DRC7: variants seen among roughly 807,000 people sequenced by gnomAD.
The protein encoded by DRC7 is dynein regulatory complex subunit 7, also known as coiled-coil domain containing 135.
Under a neutral mutation model 104.4 loss-of-function variants are expected in DRC7, and 80 were observed. That is an observed-to-expected ratio of 0.77 (90% CI 0.64 to 0.92). DRC7 has a LOEUF of 0.92. Among genes scored for constraint, DRC7 ranks in the 40% least tolerant of loss-of-function variants. The probability of loss-of-function intolerance (pLI) is 0.00; values close to 1 mark genes in which losing one functional copy is unlikely to be tolerated. For missense variants in DRC7, 1,034 were observed against 1,141.1 expected, an observed-to-expected ratio of 0.91 and a Z score of 1.35; for synonymous variants, 405 against 447.3, an observed-to-expected ratio of 0.91 and a Z score of 1.19.
chr16:57,719,120 T>C (rs1200170502), intron 9 of DRC7, among the ~76,000 whole-genome samples: 8 of 151,712 alleles, frequency 5.3e-5, no homozygotes, highest in African/African-American at 1.9e-4. Flanking sequence ...GAGCCCCACA[T>C]GCTGCCAGGC....
intron 2 of DRC7, among the ~76,000 whole-genome samples, chr16:57,697,094 G>A (rs565364694): frequency 6.6e-6 from 1 of 152,064 alleles, no homozygotes; most frequent in South Asian, 2.1e-4. Context: ...TGTATTTTTA[G>A]TAGAGACGGG....
At chr16:57,729,938 ATGGG>A (rs1219108612) in intron 17 of DRC7, among the ~76,000 whole-genome samples, 2 of 47,228 alleles carry the variant, frequency 4.2e-5, no homozygotes, top group South Asian at 8.3e-4. Context: ...GGGTGGGTGG[ATGGG>A]TGGGTGGGTG....
intron 7 of DRC7, among the ~76,000 whole-genome samples, chr16:57,705,383 C>A (rs1245864717): frequency 7.4e-6 from 1 of 135,158 alleles, no homozygotes; most frequent in South Asian, 2.6e-4. Context: ...CCTCCCATCT[C>A]CCCTCCCATC....
At chr16:57,727,135 T>C (rs754666589) in intron 15 of DRC7, 164 bp from the exon 16 acceptor site, 165 of 663,324 alleles carry the variant, frequency 2.5e-4, no homozygotes, top group Middle Eastern at 1.2e-3. Context: ...TAATTTCTTG[T>C]TTTTGTTTTT....
At chr16:57,713,303 C>CA (rs1335007163) in intron 8 of DRC7, among the ~76,000 whole-genome samples, 1 of 152,218 alleles carries the variant, frequency 6.6e-6, no homozygotes, top group Non-Finnish European at 1.5e-5. Flanking sequence ...TTTCTGCCTA[C>CA]ATTTCTTTCA....
intron 16 of DRC7, among the ~76,000 whole-genome samples, chr16:57,727,814 G>A (rs369807424): frequency 2.0e-5 from 3 of 152,350 alleles, no homozygotes; most frequent in South Asian, 2.1e-4. Context: ...GCAAGGCCCC[G>A]CCTGGTTTTC....
At chr16:57,728,644 G>A in intron 17 of DRC7, 60 bp downstream of exon 17, 8 of 1,394,588 alleles carry the variant, frequency 5.7e-6, no homozygotes, top group Non-Finnish European at 6.7e-6. Context: ...CAGGAAATGG[G>A]CCCACGGCTG....
chr16:57,723,224 T>A, intron 12 of DRC7, 94 bp downstream of exon 12: 1 of 1,419,786 alleles, frequency 7.0e-7, no homozygotes, highest in South Asian at 1.3e-5. Context: ...GGAACCAGCA[T>A]ACATATTATA....
In DRC7 at chr16:57,727,279, T is replaced by G. The variant is rs186914941; in HGVS notation, c.2086-20T>G. ...GAGGAGGGGTGTCTCCATCACGCCC[T>G]CCAACACTTCTCATTTCAGGTGCTG... On this transcript the variant is annotated intron_variant, in intron 15 of 18. Coordinates refer to ENST00000360716, the MANE Select transcript of DRC7 (RefSeq NM_001289162.2). 73 of 1,605,382 alleles carry G rather than the reference T, an allele frequency of 4.5e-5. 1 individual carries two copies. The highest frequency in any genetic ancestry group is 3.8e-4 in the Admixed American group (23 of 59,974).
At chr16:57,705,590 ACCATCCATTCTCCCATCTCTCCTCCCAT>A (rs2048706535) in intron 7 of DRC7, among the ~76,000 whole-genome samples, 1 of 89,030 alleles carries the variant, frequency 1.1e-5, no homozygotes, top group Non-Finnish European at 2.3e-5. Context: ...CATCCTCCCA[ACCATCCATTCTCCCATCTCTCCTCCCAT>A]CCATCCTTCC....
chr16:57,704,987 A>G lies in DRC7; in HGVS notation c.811A>G (p.Arg271Gly). 1 of 1,613,460 alleles carries G rather than the reference A, an allele frequency of 6.2e-7. No homozygotes were observed. Among genetic ancestry groups the G allele is most frequent in the South Asian group, 1.1e-5 (1 of 91,064 alleles). Residue 271 changes from arginine (R) to glycine (G), a missense_variant, in exon 7 of 19, where the codon AGA (arginine) becomes GGA (glycine). Physicochemically the swap from Arg to Gly is moderately radical, Grantham distance 125 (BLOSUM62 -2). Coordinates refer to ENST00000360716, the MANE Select transcript of DRC7 (RefSeq NM_001289162.2). ...EQEVKKQQEI[R>G]AQEKKRLREE... ...AGAGGTGAAGAAGCAGCAGGAGATC[A>G]GAGCCCAGGAGAAGAAGCGGCTGAG...
chr16:57,727,324 A>T lies in DRC7; in HGVS notation c.2111A>T (p.Glu704Val). Reference protein sequence around the residue: ...LEVLEILKLREEEEAAHTLTI... With the variant: ...LEVLEILKLRVEEEAAHTLTI... ...GTGCTGGAGATTCTGAAGCTTCGAG[A>T]GGAAGAGGAGGCGGCGCACACACTG... Residue 704 changes from glutamate (E) to valine (V), a missense_variant, in exon 16 of 19, where the codon GAG becomes GTG. Transcript: ENST00000360716. 1 of 1,613,276 alleles carries T rather than the reference A, an allele frequency of 6.2e-7. No homozygotes were observed. The highest frequency in any genetic ancestry group is 1.1e-5 in the South Asian group (1 of 91,038).
intron 2 of DRC7, among the ~76,000 whole-genome samples, chr16:57,697,251 G>A (rs1255917362): frequency 1.3e-5 from 2 of 151,648 alleles, no homozygotes; most frequent in Admixed American, 6.6e-5. Context: ...CAATACTATA[G>A]TAATCCCCAC....
intron 4 of DRC7, 156 bp downstream of exon 4, chr16:57,699,180 G>A (rs914878255): frequency 3.6e-5 from 31 of 868,228 alleles, no homozygotes; most frequent in Middle Eastern, 3.5e-4. Context: ...AAAGTCGAAC[G>A]CCAGCAGGCC....
rs1395192932 is a variant in DRC7 at position 57,722,842 on chromosome 16, G to A, written c.1408+1G>A. On this transcript the variant is annotated splice_donor_variant, in intron 11 of 18. Coordinates refer to ENST00000360716, the MANE Select transcript of DRC7 (RefSeq NM_001289162.2). LOFTEE classifies it high-confidence loss of function. ...CTCACCACCTATGAGGACTTGCAGT[G>A]TAAGGGGGATTGCTCTGGACATGGG... The A allele has an allele frequency of 1.2e-5, 20 of 1,613,750 alleles. No individual in the cohort carries two copies. Among genetic ancestry groups the A allele is most frequent in the Non-Finnish European group, 1.6e-5 (19 of 1,180,006 alleles).
At chr16:57,729,999 C>T (rs1314250044) in intron 17 of DRC7, among the ~76,000 whole-genome samples, 6 of 103,108 alleles carry the variant, frequency 5.8e-5, no homozygotes, top group African/African-American at 2.0e-4. Context: ...GTTGGATGGG[C>T]GAGTGGATAG....
rs940442650 is a variant in DRC7 at position 57,726,216 on chromosome 16, G to A, written c.1907G>A (p.Arg636Gln). 1 of 1,613,094 alleles carries A rather than the reference G, an allele frequency of 6.2e-7. No homozygotes were observed. The highest frequency in any genetic ancestry group is 1.3e-5 in the African/African-American group (1 of 75,018). Reference sequence around the variant, plus strand: ...ACGGCCTCCAAGCGCGAGTTCCTGCGGCGCACCGAGGTGGACAGCAAAGGC... The same window carrying A: ...ACGGCCTCCAAGCGCGAGTTCCTGCAGCGCACCGAGGTGGACAGCAAAGGC... Reference protein sequence around the residue: ...HITASKREFLRRTEVDSKGNK... With the variant: ...HITASKREFLQRTEVDSKGNK... The change falls in exon 14 of 19, where the codon CGG (arginine) becomes CAG (glutamine). Residue 636 changes from arginine (R) to glutamine (Q), a missense_variant. By Grantham distance (43) the Arg-to-Gln change is conservative. Transcript: ENST00000360716.
rs1221769992 is a variant in DRC7 at position 57,698,834 on chromosome 16, C to A, written c.204-16C>A. 6.2e-7 allele frequency: 1 copy of A among 1,611,664 alleles called. No homozygotes were observed. Among genetic ancestry groups the A allele is most frequent in the East Asian group, 2.2e-5 (1 of 44,866 alleles). The stretch of plus-strand genomic sequence containing the variant: ...CCAGGCATGGCTTCCCTAATGCCAT[C>A]CCTGTTGTGGCACAGGGCCTTTACC... On this transcript the variant is annotated splice_polypyrimidine_tract_variant and intron_variant, in intron 3 of 18. Coordinates refer to ENST00000360716, the MANE Select transcript of DRC7 (RefSeq NM_001289162.2).
At chr16:57,721,167 G>A (rs1295761941) in intron 9 of DRC7, among the ~76,000 whole-genome samples, 1 of 152,054 alleles carries the variant, frequency 6.6e-6, no homozygotes, top group Non-Finnish European at 1.5e-5. Flanking sequence ...AGTGAGCCAA[G>A]ATTCACTGCA....
Sources: allele counts gnomAD v4.1 joint callset (sites outside exome capture counted in the v4.1 genomes callset), GRCh38; gene constraint gnomAD v4.1.1; transcripts MANE v1.5; gene names NCBI Gene and HGNC (gene_info 2026-07-23, HGNC 2026-07-21).